Variants in ATRX observed in about 807,000 individuals in gnomAD.
ATRX encodes chromatin remodeler ATRX.
ATRX carries 12 observed loss-of-function variants against 172.6 expected under a neutral mutation model. The ratio of observed to expected loss-of-function variants is 0.07; its 90% CI spans 0.04 to 0.11. ATRX has a LOEUF of 0.11. Among genes scored for constraint, ATRX ranks in the 10% least tolerant of loss-of-function variants. The pLI, the probability that ATRX is intolerant of heterozygous loss-of-function variation, is 1.00. For synonymous variants in ATRX, 674 were observed against 594.7 expected (o/e 1.13, Z -1.94); for missense variants, 1,368 against 1,767.4 (o/e 0.77, Z 4.05).
intron 33 of ATRX, 73 bp downstream of exon 33, chrX:77,521,330 T>C: frequency 1.2e-6 from 1 of 829,481 alleles, no homozygotes; most frequent in Non-Finnish European, 1.8e-6. Flanking sequence ...CAATTAAAAA[T>C]TTAAAAAAAT....
chrX:77,521,347 A>G, intron 33 of ATRX, 56 bp downstream of exon 33: 1 of 929,737 alleles, frequency 1.1e-6, no homozygotes. Context: ...AAATGGCAGT[A>G]GGGGGTGGAG....
chrX:77,645,773 T>C (rs1226268418), intron 15 of ATRX, among the ~76,000 whole-genome samples: 1 of 112,259 alleles, frequency 8.9e-6, no homozygotes, highest in Non-Finnish European at 1.9e-5. Flanking sequence ...ACGACATGTA[T>C]AAAAATGTAA....
chrX:77,728,755 TTTTC>T (rs1416227831), intron 1 of ATRX, among the ~76,000 whole-genome samples: 4 of 54,718 alleles, frequency 7.3e-5, no homozygotes, highest in Admixed American at 2.4e-4. Flanking sequence ...ATTTCTTTTC[TTTTC>T]TTTTCTTTTT....
intron 28 of ATRX, among the ~76,000 whole-genome samples, chrX:77,566,053 GTCA>G (rs782539785): frequency 1.8e-5 from 2 of 110,307 alleles, no homozygotes; most frequent in South Asian, 7.8e-4. Flanking sequence ...TAATATTTTT[GTCA>G]TTAGAGTCCT....
intron 30 of ATRX, among the ~76,000 whole-genome samples, chrX:77,539,865 C>G (rs1267307663): frequency 5.4e-5 from 6 of 111,803 alleles, no homozygotes; most frequent in African/African-American, 1.6e-4. Context: ...CAAAAACATG[C>G]CAAATTGTAA....
At chrX:77,654,255 A>T in intron 13 of ATRX, 55 bp from the exon 14 acceptor site, 1 of 995,600 alleles carries the variant, frequency 1.0e-6, no homozygotes, top group African/African-American at 1.9e-5. Flanking sequence ...TTCCATCAAT[A>T]AGTTATGTAC....
intron 25 of ATRX, 83 bp downstream of exon 25, chrX:77,599,328 G>C: frequency 1.9e-6 from 2 of 1,051,224 alleles, no homozygotes; most frequent in Non-Finnish European, 2.7e-6. Flanking sequence ...CAATTAGTCA[G>C]GTAAGTGACT....
chrX:77,767,209 GGAAA>G (rs1304863874), intron 1 of ATRX, among the ~76,000 whole-genome samples: 2 of 107,856 alleles, frequency 1.9e-5, no homozygotes, highest in Non-Finnish European at 3.9e-5. Context: ...GGGAGACCGT[GGAAA>G]GAGAGGGAGA....
At chrX:77,667,295 ATGTGTGTGTGTGTGTGTGTG>A (rs782297684) in intron 10 of ATRX, among the ~76,000 whole-genome samples, 21 of 89,061 alleles carry the variant, frequency 2.4e-4, no homozygotes, top group East Asian at 1.5e-3. Context: ...ACGAATAAAT[ATGTGTGTGTGTGTGTGTGTG>A]TGTGTGTGTG....
chrX:77,772,725 T>G (rs1384373645), intron 1 of ATRX, among the ~76,000 whole-genome samples: 5 of 109,303 alleles, frequency 4.6e-5, no homozygotes, highest in Non-Finnish European at 9.5e-5. Context: ...TCGTGATCCA[T>G]CCGCCTCGGC....
At chrX:77,658,809 G>C (rs1415543674) in intron 12 of ATRX, among the ~76,000 whole-genome samples, 1 of 111,767 alleles carries the variant, frequency 8.9e-6, no homozygotes, top group Non-Finnish European at 1.9e-5. Flanking sequence ...TCCTGGTTTT[G>C]ATCATGGTAC....
At chrX:77,533,550 T>A (rs1306239731) in intron 30 of ATRX, among the ~76,000 whole-genome samples, 1 of 111,394 alleles carries the variant, frequency 9.0e-6, no homozygotes, top group Non-Finnish European at 1.9e-5. Context: ...AAACCCCACA[T>A]GTTCTCACTT....
chrX:77,715,521 T>G (rs1046990841), intron 2 of ATRX, among the ~76,000 whole-genome samples: 18 of 112,545 alleles, frequency 1.6e-4, no homozygotes, highest in Non-Finnish European at 3.4e-4. Context: ...TTTGACATTT[T>G]AAAGAAATAA....
intron 12 of ATRX, among the ~76,000 whole-genome samples, 167 bp downstream of exon 12, chrX:77,663,215 T>C (rs2070024308): frequency 1.8e-5 from 2 of 110,848 alleles, no homozygotes; most frequent in African/African-American, 6.6e-5. Context: ...CCCAGCTATT[T>C]CTTCTATTTT....
chrX:77,684,596 G>A lies in ATRX; in HGVS notation c.663-3C>T, dbSNP rs1557142849. 1 of 1,202,418 alleles carries A rather than the reference G, an allele frequency of 8.3e-7. No homozygotes were observed. The highest frequency in any genetic ancestry group is 1.8e-5 in the African/African-American group (1 of 57,058). ...AGTTTCCACCTTCCGCACACCACCT[G>A]AAATGTTTTAAAGATTAAAACATTA... On this transcript the variant is annotated splice_region_variant and splice_polypyrimidine_tract_variant and intron_variant, in intron 8 of 34. Transcript: ENST00000373344.
At chrX:77,600,646 G>A in intron 22 of ATRX, 82 bp from the exon 23 acceptor site, 1 of 1,058,157 alleles carries the variant, frequency 9.5e-7, no homozygotes, top group Non-Finnish European at 1.3e-6. Flanking sequence ...AATCTTACTT[G>A]TGACATAAAC....
chrX:77,693,654 C>T (rs184491024), intron 6 of ATRX, among the ~76,000 whole-genome samples, 170 bp downstream of exon 6: 68 of 111,969 alleles, frequency 6.1e-4, no homozygotes, highest in African/African-American at 2.1e-3. Context: ...ATAAATGGTG[C>T]TTAACCTTTT....
intron 30 of ATRX, among the ~76,000 whole-genome samples, chrX:77,555,243 C>T (rs868955492): frequency 1.8e-5 from 2 of 111,754 alleles, no homozygotes; most frequent in African/African-American, 3.3e-5. Flanking sequence ...GAAATAGGAA[C>T]GCTTTTACAC....
At chrX:77,693,995 A>T in intron 5 of ATRX, 58 bp from the exon 6 acceptor site, 3 of 922,609 alleles carry the variant, frequency 3.3e-6, no homozygotes, top group Non-Finnish European at 4.7e-6. Context: ...GTGAAGTACA[A>T]GACTTCAGTT....
Sources: allele counts gnomAD v4.1 joint callset (sites outside exome capture counted in the v4.1 genomes callset), GRCh38; gene constraint gnomAD v4.1.1; transcripts MANE v1.5; gene names NCBI Gene and HGNC (gene_info 2026-07-23, HGNC 2026-07-21).